WWP1: variants seen among roughly 807,000 people sequenced by gnomAD.
The protein encoded by WWP1 is NEDD4-like E3 ubiquitin-protein ligase WWP1.
Under a neutral mutation model 130.6 loss-of-function variants are expected in WWP1, and 49 were observed. The observed-to-expected ratio is 0.38, with a 90% CI of 0.30 to 0.48. The LOEUF (loss-of-function observed/expected upper bound fraction) is 0.48, where lower values mean the gene tolerates loss of function less well. Ranked by LOEUF, WWP1 falls within the 20% of genes least tolerant of loss-of-function variation. The pLI is 0.99. For missense variants in WWP1, 809 were observed against 1,100.6 expected (o/e 0.74, Z 3.75); for synonymous variants, 332 against 367.8 (o/e 0.90, Z 1.11).
intron 5 of WWP1, among the ~76,000 whole-genome samples, chr8:86,388,559 C>CT (rs976675565): frequency 2.0e-5 from 3 of 152,052 alleles, no homozygotes; most frequent in Admixed American, 6.6e-5. Context: ...ATCATATTGC[C>CT]TTTTTTTCCC....
intron 1 of WWP1, among the ~76,000 whole-genome samples, chr8:86,349,521 C>A (rs946774174): frequency 6.6e-6 from 1 of 152,178 alleles, no homozygotes; most frequent in African/African-American, 2.4e-5. Flanking sequence ...ACAGGACTTA[C>A]GGAAAACTGT....
At chr8:86,413,752 C>T (rs956198853) in intron 9 of WWP1, among the ~76,000 whole-genome samples, 1 of 152,208 alleles carries the variant, frequency 6.6e-6, no homozygotes, top group African/African-American at 2.4e-5. Context: ...GAAGAGAAAA[C>T]AGCCCTGTGA....
chr8:86,423,063 ATTTT>A (rs200170387), intron 9 of WWP1, among the ~76,000 whole-genome samples: 1 of 140,596 alleles, frequency 7.1e-6, no homozygotes, highest in South Asian at 2.3e-4. Context: ...AGGTTTCTTC[ATTTT>A]TTTTTTTTTT....
At chr8:86,417,888 TCTGTTGTGTAGCAC>T (rs1317740137) in intron 9 of WWP1, among the ~76,000 whole-genome samples, 7 of 152,142 alleles carry the variant, frequency 4.6e-5, no homozygotes, top group African/African-American at 1.7e-4. Context: ...AGCTCAAGGC[TCTGTTGTGTAGCAC>T]CTGTTGTGTA....
intron 11 of WWP1, among the ~76,000 whole-genome samples, chr8:86,429,041 A>G (rs1216086628): frequency 1.3e-5 from 2 of 152,172 alleles, no homozygotes; most frequent in South Asian, 2.1e-4. Context: ...TTGACTCAGT[A>G]GTGTCATCAA....
In WWP1 at chr8:86,397,873, C is replaced by T. The variant is rs1005800854; in HGVS notation, c.335-469C>T. ...TGTCTGTATGGTTTTGCATTTGGTC[C>T]TCAACACTGTCCCTTTAGTTTGAAG... On this transcript the variant is annotated intron_variant, in intron 5 of 24. Coordinates refer to ENST00000517970, the MANE Select transcript of WWP1 (RefSeq NM_007013.4). Among the ~76,000 whole-genome samples, 6 of 152,274 alleles carry T rather than the reference C, an allele frequency of 3.9e-5. No homozygotes were observed. The South Asian group carries it at 6.2e-4, about 16-fold the overall frequency.
chr8:86,375,854 G>A (rs1171763890), intron 3 of WWP1, among the ~76,000 whole-genome samples: 1 of 152,082 alleles, frequency 6.6e-6, no homozygotes, highest in Non-Finnish European at 1.5e-5. Context: ...TCCTCTCCAT[G>A]GGGTCTGCAC....
chr8:86,343,965 T>C (rs918022428), intron 1 of WWP1, among the ~76,000 whole-genome samples: 1 of 152,202 alleles, frequency 6.6e-6, no homozygotes, highest in East Asian at 1.9e-4. Context: ...CCTGCATTTT[T>C]TTTTTTTAAC....
intron 24 of WWP1, among the ~76,000 whole-genome samples, chr8:86,465,443 C>T (rs1812019410): frequency 1.3e-5 from 2 of 151,922 alleles, no homozygotes; most frequent in African/African-American, 2.4e-5. Context: ...GGCAACATGA[C>T]AAAACTTCGT....
intron 3 of WWP1, 41 bp downstream of exon 3, chr8:86,374,161 A>C: frequency 1.3e-6 from 2 of 1,520,822 alleles, no homozygotes; most frequent in Non-Finnish European, 1.8e-6. Context: ...TCCCTGATGA[A>C]CTTTTCTTTT....
intron 6 of WWP1, 37 bp from the exon 7 acceptor site, chr8:86,398,535 A>G: frequency 6.2e-7 from 1 of 1,611,574 alleles, no homozygotes; most frequent in Non-Finnish European, 8.5e-7. Flanking sequence ...AGCAAGAAGT[A>G]TATAAAAACC....
intron 17 of WWP1, among the ~76,000 whole-genome samples, chr8:86,440,937 CT>C (rs1385281447): frequency 6.6e-6 from 1 of 152,120 alleles, no homozygotes; most frequent in Non-Finnish European, 1.5e-5. Flanking sequence ...CTTCTTTAGG[CT>C]CTGCTAGCTC....
chr8:86,431,371 T>G, intron 12 of WWP1, 35 bp from the exon 13 acceptor site: 4 of 1,212,914 alleles, frequency 3.3e-6, no homozygotes, highest in Non-Finnish European at 4.5e-6. Context: ...AGATCCTAAA[T>G]AGTTATTAAA....
At chr8:86,371,502 G>A (rs773323562) in intron 2 of WWP1, among the ~76,000 whole-genome samples, 5 of 152,126 alleles carry the variant, frequency 3.3e-5, no homozygotes, top group Admixed American at 6.5e-5. Flanking sequence ...GCCATTATTT[G>A]GCACTATCAA....
rs570127972 is a variant in WWP1 at position 86,468,094 on chromosome 8, T to G, written c.*1201T>G. ...GATGTGAATGATATTAATGCTACTT[T>G]TAGCAAACTGGGCTTCCTAATACAA... On this transcript the variant is annotated 3_prime_UTR_variant, in exon 25 of 25. Coordinates refer to ENST00000517970, the MANE Select transcript of WWP1 (RefSeq NM_007013.4). 67 of 175,416 alleles carry G rather than the reference T, an allele frequency of 3.8e-4. No individual in the cohort carries two copies. The highest frequency in any genetic ancestry group is 9.7e-4 in the South Asian group (8 of 8,238). The allele number at this position is 175,416 out of a possible 1,614,324, so 10.9% of individuals were successfully genotyped here. A position where few individuals can be genotyped will look rare whatever the true frequency, so the allele number is the denominator to read the frequency against.
At chr8:86,423,418 T>A (rs1389179217) in intron 9 of WWP1, among the ~76,000 whole-genome samples, 1 of 152,090 alleles carries the variant, frequency 6.6e-6, no homozygotes, top group East Asian at 1.9e-4. Flanking sequence ...TAGGGAGTGG[T>A]GATGACTCTT....
chr8:86,410,348 C>G (rs1306118903), intron 8 of WWP1, among the ~76,000 whole-genome samples: 1 of 152,138 alleles, frequency 6.6e-6, no homozygotes, highest in Non-Finnish European at 1.5e-5. Flanking sequence ...TCCATTGCTG[C>G]TCTGATTTGT....
intron 2 of WWP1, among the ~76,000 whole-genome samples, 157 bp from the exon 3 acceptor site, chr8:86,373,873 T>C (rs1237255341): frequency 1.3e-5 from 2 of 152,236 alleles, no homozygotes; most frequent in Admixed American, 1.3e-4. Flanking sequence ...TTATTTCAAC[T>C]AACTTTAGGG....
intron 9 of WWP1, among the ~76,000 whole-genome samples, chr8:86,423,658 A>T (rs1028497711): frequency 2.6e-5 from 4 of 152,164 alleles, no homozygotes; most frequent in Admixed American, 1.3e-4. Flanking sequence ...TGATTTCTCT[A>T]TCTTTTCCCC....
Sources: allele counts gnomAD v4.1 joint callset (sites outside exome capture counted in the v4.1 genomes callset), GRCh38; gene constraint gnomAD v4.1.1; transcripts MANE v1.5; gene names NCBI Gene and HGNC (gene_info 2026-07-23, HGNC 2026-07-21).